Variants in RGS7BP observed in about 807,000 individuals in gnomAD.
RGS7BP encodes regulator of G protein signaling 7 binding protein.
In RGS7BP, 9 loss-of-function variants were observed where a neutral mutation model predicts 31.3. The observed-to-expected ratio is 0.29, with a 90% CI of 0.17 to 0.50. The LOEUF (loss-of-function observed/expected upper bound fraction) is 0.50, where lower values mean the gene tolerates loss of function less well. Ranked by LOEUF, RGS7BP falls within the 20% of genes least tolerant of loss-of-function variation. The probability of loss-of-function intolerance (pLI) is 0.98; values close to 1 mark genes in which losing one functional copy is unlikely to be tolerated. For missense variants in RGS7BP, 274 were observed against 322.0 expected, an observed-to-expected ratio of 0.85 and a Z score of 1.14; for synonymous variants, 115 against 120.1, an observed-to-expected ratio of 0.96 and a Z score of 0.28.
intron 2 of RGS7BP, among the ~76,000 whole-genome samples, chr5:64,531,782 T>A (rs1749376930): frequency 1.3e-5 from 2 of 152,252 alleles, no homozygotes; most frequent in Non-Finnish European, 2.9e-5. Context: ...TTTGAGCGTA[T>A]GTTGCTATGC....
At chr5:64,529,122 GA>G (rs1749309628) in intron 2 of RGS7BP, among the ~76,000 whole-genome samples, 1 of 152,070 alleles carries the variant, frequency 6.6e-6, no homozygotes, top group South Asian at 2.1e-4. Flanking sequence ...GTTATATTTT[GA>G]TTAGAAAAAT....
chr5:64,596,112 T>C (rs1410420486), intron 4 of RGS7BP, among the ~76,000 whole-genome samples: 1 of 152,216 alleles, frequency 6.6e-6, no homozygotes, highest in African/African-American at 2.4e-5. Flanking sequence ...TGAAACCATT[T>C]TACTTTGCAG....
At chr5:64,541,952 G>GT (rs11461228) in intron 2 of RGS7BP, among the ~76,000 whole-genome samples, 90,330 of 151,442 alleles carry the variant, frequency 0.6, 27,379 homozygotes, top group East Asian at 0.87. Flanking sequence ...TTCTATTCTA[G>GT]TTTTTTTTAC....
At chr5:64,572,467 G>T (rs1428577422) in intron 2 of RGS7BP, among the ~76,000 whole-genome samples, 2 of 152,156 alleles carry the variant, frequency 1.3e-5, no homozygotes, top group East Asian at 3.8e-4. Flanking sequence ...AAGGCCTGAA[G>T]TTAATGTAAC....
At chr5:64,565,198 A>G (rs1467873201) in intron 2 of RGS7BP, among the ~76,000 whole-genome samples, 1 of 152,124 alleles carries the variant, frequency 6.6e-6, no homozygotes, top group Non-Finnish European at 1.5e-5. Flanking sequence ...CTCAATTTAT[A>G]GATAAGAAAA....
At chr5:64,517,676 C>T (rs910942331) in intron 2 of RGS7BP, among the ~76,000 whole-genome samples, 2 of 152,114 alleles carry the variant, frequency 1.3e-5, no homozygotes, top group African/African-American at 2.4e-5. Context: ...CAGGGGAAAG[C>T]GTCCAGAAAG....
chr5:64,538,541 C>CCT (rs1741441233), intron 2 of RGS7BP, among the ~76,000 whole-genome samples: 2 of 37,666 alleles, frequency 5.3e-5, no homozygotes, highest in Non-Finnish European at 9.7e-5. Flanking sequence ...TTTTTTTTTC[C>CCT]TTTTCTTTTT....
intron 3 of RGS7BP, among the ~76,000 whole-genome samples, chr5:64,594,326 C>T (rs924199922): frequency 2.6e-5 from 4 of 152,102 alleles, no homozygotes; most frequent in Non-Finnish European, 5.9e-5. Context: ...GGCCCTTTTA[C>T]CTGCTCCTGC....
chr5:64,541,072 A>G (rs1046395432), intron 2 of RGS7BP, among the ~76,000 whole-genome samples: 2 of 152,168 alleles, frequency 1.3e-5, no homozygotes, highest in Non-Finnish European at 2.9e-5. Context: ...AAGAGGTTTA[A>G]TTGGCTCATG....
At chr5:64,508,566 A>G (rs1748755566) in intron 2 of RGS7BP, among the ~76,000 whole-genome samples, 1 of 152,162 alleles carries the variant, frequency 6.6e-6, no homozygotes, top group Non-Finnish European at 1.5e-5. Flanking sequence ...TTGGGACCCT[A>G]CCTACACTTT....
At chr5:64,584,797 T>A (rs1005520922) in intron 3 of RGS7BP, among the ~76,000 whole-genome samples, 15 of 152,250 alleles carry the variant, frequency 9.9e-5, no homozygotes, top group African/African-American at 3.4e-4. Context: ...GGGTATGGCA[T>A]AATTATTATT....
At chr5:64,539,343 G>A (rs143765532) in intron 2 of RGS7BP, among the ~76,000 whole-genome samples, 6 of 152,176 alleles carry the variant, frequency 3.9e-5, no homozygotes, top group African/African-American at 1.4e-4. Flanking sequence ...TCTTAACAGT[G>A]TTTTTCACAG....
chr5:64,560,777 A>C (rs546060372), intron 2 of RGS7BP, among the ~76,000 whole-genome samples: 10 of 152,122 alleles, frequency 6.6e-5, no homozygotes, highest in Non-Finnish European at 1.3e-4. Context: ...AATAATTTTC[A>C]GTACTCATTT....
intron 2 of RGS7BP, chr5:64,539,806 T>G (rs895692512): frequency 6.6e-6 from 1 of 152,196 alleles, no homozygotes; most frequent in African/African-American, 2.4e-5. Context: ...AAAAAAAATT[T>G]AAAGTTTATT....
chr5:64,576,265 A>G (rs1312923101), intron 3 of RGS7BP, among the ~76,000 whole-genome samples: 1 of 152,244 alleles, frequency 6.6e-6, no homozygotes, highest in African/African-American at 2.4e-5. Context: ...TTAAGTTGCA[A>G]GAAACAAATT....
intron 2 of RGS7BP, among the ~76,000 whole-genome samples, chr5:64,546,229 A>C (rs1338296109): frequency 6.6e-6 from 1 of 152,152 alleles, no homozygotes; most frequent in Non-Finnish European, 1.5e-5. Flanking sequence ...AAATACAAAA[A>C]TTAGCTGGGA....
intron 2 of RGS7BP, among the ~76,000 whole-genome samples, chr5:64,556,417 CCA>C (rs10624566): frequency 0.32 from 40,263 of 125,032 alleles, 6,261 homozygotes; most frequent in Middle Eastern, 0.39. Context: ...TCTTCCCCAG[CCA>C]CACACACACA....
At chr5:64,586,462 C>T (rs1193464427) in intron 3 of RGS7BP, among the ~76,000 whole-genome samples, 1 of 152,218 alleles carries the variant, frequency 6.6e-6, no homozygotes, top group African/African-American at 2.4e-5. Context: ...TTTCACTTGG[C>T]TCATCCCTAT....
At chr5:64,553,325 ACTACACCCAG>A (rs1246351578) in intron 2 of RGS7BP, among the ~76,000 whole-genome samples, 1 of 151,828 alleles carries the variant, frequency 6.6e-6, no homozygotes, top group Admixed American at 6.6e-5. Flanking sequence ...GGCATGTGCC[ACTACACCCAG>A]CTAGTTTTTG....
Sources: gnomAD v4.1 joint callset for allele counts (sites outside exome capture counted in the v4.1 genomes callset) on GRCh38, gnomAD v4.1.1 for gene constraint, MANE v1.5 for transcripts, NCBI Gene and HGNC (gene_info 2026-07-23, HGNC 2026-07-21) for gene names.